The following CLCA4 variants were observed in gnomAD, a reference collection of about 807,000 sequenced individuals.
CLCA4 encodes the protein calcium-activated chloride channel regulator 4.
CLCA4 carries 69 observed loss-of-function variants against 78.9 expected under a neutral mutation model. The observed-to-expected ratio is 0.87, with a 90% CI of 0.72 to 1.07. The LOEUF is 1.07. Ranked by LOEUF, CLCA4 falls within the 50% of genes least tolerant of loss-of-function variation. CLCA4 has a pLI of 0.00. For missense variants in CLCA4, 1,133 were observed against 1,095.8 expected, an observed-to-expected ratio of 1.03 and a Z score of -0.48; for synonymous variants, 362 against 375.8, an observed-to-expected ratio of 0.96 and a Z score of 0.42.
intron 3 of CLCA4, 98 bp from the exon 4 acceptor site, chr1:86,563,563 T>C (rs1181184945): frequency 8.8e-6 from 5 of 565,074 alleles, no homozygotes; most frequent in Non-Finnish European, 1.5e-5. Flanking sequence ...AAAACCGAAA[T>C]CTAAATATAT....
Position 86,572,740 on chromosome 1 carries a change from G to T in CLCA4, c.1467+20G>T. The T allele has an allele frequency of 7.4e-7, 1 of 1,355,406 alleles. No homozygotes were observed. Among genetic ancestry groups the T allele is most frequent in the South Asian group, 1.2e-5 (1 of 85,924 alleles). The allele number at this position is 1,355,406 out of a possible 1,614,324, so 84.0% of individuals were successfully genotyped here. A position where few individuals can be genotyped will look rare whatever the true frequency, so the allele number is the denominator to read the frequency against. On this transcript the variant is annotated intron_variant, in intron 9 of 13. Coordinates refer to ENST00000370563, the MANE Select transcript of CLCA4 (RefSeq NM_012128.4). ...CTTCAGGTCAGAGTTCTCATTCCTT[G>T]GGTTTTCATGTTCACTTTTGCCACA...
In CLCA4 at chr1:86,563,692, C is replaced by T; in HGVS notation, c.480C>T (p.Leu160=). Residue 160 remains leucine, a synonymous_variant, in exon 4 of 14, where the codon CTC becomes CTT. Transcript: ENST00000370563. ...GKLFVHEWAH[L]RWGVFDEYNE... Reference sequence around the variant, plus strand: ...TGTTTGTCCATGAGTGGGCTCACCTCCGGTGGGGAGTGTTTGATGAGTACA... The same window carrying T: ...TGTTTGTCCATGAGTGGGCTCACCTTCGGTGGGGAGTGTTTGATGAGTACA... 1 of 1,601,258 alleles carries T rather than the reference C, an allele frequency of 6.2e-7. No individual in the cohort carries two copies. The highest frequency in any genetic ancestry group is 1.7e-4 in the Middle Eastern group (1 of 6,024).
intron 1 of CLCA4, among the ~76,000 whole-genome samples, chr1:86,559,705 C>T (rs992162784): frequency 6.6e-6 from 1 of 152,170 alleles, no homozygotes; most frequent in Non-Finnish European, 1.5e-5. Context: ...CAAGCATTTG[C>T]CTTTTAAGGC....
At position 86,580,073 on chromosome 1, in the gene CLCA4, C is replaced by T. The variant is rs561658821; in HGVS notation, c.2488C>T (p.Pro830Ser). 1 of 1,612,846 alleles carries T rather than the reference C, an allele frequency of 6.2e-7. No homozygotes were observed. The highest frequency in any genetic ancestry group is 1.3e-5 in the African/African-American group (1 of 74,924). ...ANSKESFAFK[P>S]ENISEENATH... The stretch of plus-strand genomic sequence containing the variant: ...CTCCAAGGAAAGCTTTGCATTTAAA[C>T]CAGAAAATATCTCAGAAGAAAATGC... The change falls in exon 14 of 14, where the codon CCA becomes TCA. Residue 830 changes from proline to serine, a missense_variant. Transcript: ENST00000370563.
At chr1:86,560,876 T>A (rs1371029454) in intron 3 of CLCA4, among the ~76,000 whole-genome samples, 1 of 152,208 alleles carries the variant, frequency 6.6e-6, no homozygotes, top group African/African-American at 2.4e-5. Flanking sequence ...TAATTGATCA[T>A]TTTGACCTAT....
At chr1:86,576,953 C>T (rs1650539776) in intron 11 of CLCA4, among the ~76,000 whole-genome samples, 1 of 152,004 alleles carries the variant, frequency 6.6e-6, no homozygotes. Context: ...TTGATAGGCA[C>T]CCGAATTAAC....
At position 86,575,373 on chromosome 1, in the gene CLCA4, A is replaced by G. The variant is rs866263604; in HGVS notation, c.1725A>G (p.Pro575=). 2.5e-6 allele frequency: 4 copies of G among 1,613,358 alleles called. No homozygotes were observed. Among genetic ancestry groups the G allele is most frequent in the Middle Eastern group, 1.7e-4 (1 of 6,052 alleles). The change falls in exon 11 of 14, where the codon CCA becomes CCG. Residue 575 remains proline (P), a synonymous_variant. Coordinates refer to ENST00000370563, the MANE Select transcript of CLCA4 (RefSeq NM_012128.4). ...WAYNLQAKAN[P]ETLTITVTSR... ...ACAATCTTCAAGCCAAAGCGAACCC[A>G]GAAACATTAACTATTACAGTAACTT...
At chr1:86,555,288 C>T (rs1649805009) in intron 1 of CLCA4, among the ~76,000 whole-genome samples, 1 of 151,722 alleles carries the variant, frequency 6.6e-6, no homozygotes, top group Admixed American at 6.6e-5. Flanking sequence ...TGCCTATGTC[C>T]AGGATGTATT....
chr1:86,563,121 T>G (rs1349726895), intron 3 of CLCA4, among the ~76,000 whole-genome samples: 1 of 151,980 alleles, frequency 6.6e-6, no homozygotes, highest in African/African-American at 2.4e-5. Flanking sequence ...CCATTTATTG[T>G]GAAATTCTTA....
chr1:86,566,922 G>A (rs1650208705), intron 6 of CLCA4, among the ~76,000 whole-genome samples: 1 of 152,142 alleles, frequency 6.6e-6, no homozygotes, highest in East Asian at 1.9e-4. Context: ...TGGGAAGATA[G>A]GGCCTTGGCC....
chr1:86,552,667 G>A lies in CLCA4; in HGVS notation c.159+5389G>A, dbSNP rs1430181119. 13 of 898,292 alleles carry A rather than the reference G, an allele frequency of 1.4e-5. 1 individual carries two copies. Among genetic ancestry groups the A allele is most frequent in the Middle Eastern group, 2.3e-4 (1 of 4,444 alleles). The allele number at this position is 898,292 out of a possible 1,614,324, so 55.6% of individuals were successfully genotyped here. ...CCATGTGGTCCAGCTCGCCCAGATC[G>A]GACTTGCAGATGGAGCTGGGGCACG... On this transcript the variant is annotated intron_variant, in intron 1 of 13. Transcript: ENST00000370563.
intron 10 of CLCA4, among the ~76,000 whole-genome samples, 168 bp downstream of exon 10, chr1:86,574,923 G>A (rs1262616261): frequency 6.6e-6 from 1 of 151,958 alleles, no homozygotes; most frequent in African/African-American, 2.4e-5. Flanking sequence ...TAGGAAAAAA[G>A]AACTTATATA....
In CLCA4 at chr1:86,567,433, C is replaced by A. The variant is rs201747732; in HGVS notation, c.964C>A (p.Arg322Ser). Reference protein sequence around the residue: ...DKSGSMGGKDRLNRMNQAAKH... With the variant: ...DKSGSMGGKDSLNRMNQAAKH... Reference sequence around the variant, plus strand: ...TGTCTTTTTAATCTAGGGTAAGGACCGCCTAAATCGAATGAATCAAGCAGC... The same window carrying A: ...TGTCTTTTTAATCTAGGGTAAGGACAGCCTAAATCGAATGAATCAAGCAGC... The change falls in exon 7 of 14, where the codon CGC becomes AGC. Residue 322 changes from arginine (R) to serine (S), a missense_variant. Transcript: ENST00000370563. 1 of 1,609,234 alleles carries A rather than the reference C, an allele frequency of 6.2e-7. No individual in the cohort carries two copies. The highest frequency in any genetic ancestry group is 1.1e-5 in the South Asian group (1 of 90,340).
intron 1 of CLCA4, among the ~76,000 whole-genome samples, chr1:86,557,724 C>T (rs183654468): frequency 1.1e-4 from 17 of 152,126 alleles, no homozygotes; most frequent in Admixed American, 2.6e-4. Flanking sequence ...ATAGGTCTAT[C>T]GGATCCATTT....
In CLCA4 at chr1:86,560,200, A is replaced by T; in HGVS notation, c.301-11A>T. ...TTTTTGATGTTTGACAATCTTTTTC[A>T]ACATTCTCAGGCTGATGTTATAGTT... On this transcript the variant is annotated splice_polypyrimidine_tract_variant and intron_variant, in intron 2 of 13. Transcript: ENST00000370563. 1 of 1,586,044 alleles carries T rather than the reference A, an allele frequency of 6.3e-7. No individual in the cohort carries two copies. The highest frequency in any genetic ancestry group is 8.5e-7 in the Non-Finnish European group (1 of 1,170,446).
At position 86,547,987 on chromosome 1, in the gene CLCA4, G is replaced by A. The variant is rs148602546; in HGVS notation, c.159+709G>A. On this transcript the variant is annotated intron_variant, in intron 1 of 13. Coordinates refer to ENST00000370563, the MANE Select transcript of CLCA4 (RefSeq NM_012128.4). ...CCCACTAGTGGAATTGCTGAATCAT[G>A]TGGTCATTCTATTTTTAGATTTTTG... 7.5e-3 allele frequency among the ~76,000 whole-genome samples: 1,138 copies of A among 152,236 alleles called. 7 individuals carry two copies. The highest frequency in any genetic ancestry group is 0.013 in the Non-Finnish European group (859 of 68,010).
chr1:86,579,338 G>A lies in CLCA4; in HGVS notation c.2123-16G>A. ...AGTAGTTTTGCCCATTATAAACCAG[G>A]AAATGTTTAATGCAGGGGAAATTGA... On this transcript the variant is annotated splice_polypyrimidine_tract_variant and intron_variant, in intron 12 of 13. Transcript: ENST00000370563. 1 of 1,593,590 alleles carries A rather than the reference G, an allele frequency of 6.3e-7. No homozygotes were observed. The highest frequency in any genetic ancestry group is 8.6e-7 in the Non-Finnish European group (1 of 1,161,976).
chr1:86,569,651 T>C (rs372940068), intron 7 of CLCA4, among the ~76,000 whole-genome samples: 10 of 152,114 alleles, frequency 6.6e-5, no homozygotes, highest in African/African-American at 2.4e-4. Context: ...AGTTAATACA[T>C]AGCGAATGTT....
At chr1:86,566,212 C>T (rs1650186019) in intron 6 of CLCA4, among the ~76,000 whole-genome samples, 192 bp downstream of exon 6, 1 of 152,022 alleles carries the variant, frequency 6.6e-6, no homozygotes, top group South Asian at 2.1e-4. Context: ...ATTAAAAATA[C>T]CTAATCCAAG....
Sources: allele counts gnomAD v4.1 joint callset (sites outside exome capture counted in the v4.1 genomes callset), GRCh38; gene constraint gnomAD v4.1.1; transcripts MANE v1.5; gene names NCBI Gene and HGNC (gene_info 2026-07-23, HGNC 2026-07-21).